The following NR3C2 variants were observed in gnomAD, a reference collection of about 807,000 sequenced individuals.
The protein encoded by NR3C2 is nuclear receptor subfamily 3 group C member 2, also known as mineralocorticoid receptor.
In NR3C2, 15 loss-of-function variants were observed where a neutral mutation model predicts 86.4. That is an observed-to-expected ratio of 0.17 (90% CI 0.12 to 0.27). The LOEUF is 0.27. Ranked by LOEUF, NR3C2 falls within the 10% of genes least tolerant of loss-of-function variation. The pLI is 1.00. For synonymous variants in NR3C2, 458 were observed against 450.5 expected (o/e 1.02, Z -0.21); for missense variants, 960 against 1,195.6 (o/e 0.80, Z 2.91).
intron 2 of NR3C2, among the ~76,000 whole-genome samples, chr4:148,294,022 G>T (rs908428541): frequency 5.3e-5 from 8 of 152,118 alleles, no homozygotes; most frequent in African/African-American, 1.7e-4. Context: ...TCCTTCCCAA[G>T]GGATTTGGCC....
chr4:148,425,097 T>C (rs1158366921), intron 2 of NR3C2, among the ~76,000 whole-genome samples: 5 of 152,194 alleles, frequency 3.3e-5, no homozygotes, highest in African/African-American at 1.2e-4. Context: ...CTGAACTCAG[T>C]AGAACTCTGT....
intron 3 of NR3C2, among the ~76,000 whole-genome samples, chr4:148,200,620 A>AACTT (rs1736672833): frequency 6.6e-6 from 1 of 152,168 alleles, no homozygotes; most frequent in Non-Finnish European, 1.5e-5. Context: ...GACTTTAGAG[A>AACTT]AGTTACTTAG....
At chr4:148,161,665 A>G (rs1320039889) in intron 4 of NR3C2, among the ~76,000 whole-genome samples, 3 of 152,162 alleles carry the variant, frequency 2.0e-5, no homozygotes, top group Admixed American at 1.3e-4. Flanking sequence ...ACCTGCATCT[A>G]TATCTATAAT....
At chr4:148,231,614 C>G (rs1327623832) in intron 3 of NR3C2, among the ~76,000 whole-genome samples, 1 of 152,168 alleles carries the variant, frequency 6.6e-6, no homozygotes, top group Non-Finnish European at 1.5e-5. Flanking sequence ...TTGATGGCTG[C>G]TGACTGATCA....
At chr4:148,368,224 G>A in intron 2 of NR3C2, 1 of 152,196 alleles carries the variant, frequency 6.6e-6, no homozygotes. Flanking sequence ...AAATCCCATA[G>A]CCCCACAAAC....
chr4:148,267,166 T>C (rs761046028), intron 2 of NR3C2, among the ~76,000 whole-genome samples: 14 of 152,244 alleles, frequency 9.2e-5, no homozygotes, highest in Admixed American at 2.0e-4. Context: ...TGCATTGTTG[T>C]AGATTACACG....
At chr4:148,263,509 C>T (rs1740232888) in intron 2 of NR3C2, among the ~76,000 whole-genome samples, 1 of 152,200 alleles carries the variant, frequency 6.6e-6, no homozygotes, top group African/African-American at 2.4e-5. Context: ...GTTCATTCTA[C>T]AGTGACTGCT....
At chr4:148,321,787 G>C (rs1743610498) in intron 2 of NR3C2, among the ~76,000 whole-genome samples, 1 of 152,096 alleles carries the variant, frequency 6.6e-6, no homozygotes, top group African/African-American at 2.4e-5. Context: ...CACATGAGAT[G>C]GGTTTCCTGA....
At chr4:148,139,541 C>T (rs1733513260) in intron 6 of NR3C2, among the ~76,000 whole-genome samples, 1 of 152,152 alleles carries the variant, frequency 6.6e-6, no homozygotes, top group African/African-American at 2.4e-5. Context: ...AAGTTCTAAA[C>T]TGCTAATTCC....
rs748313108 is a variant in NR3C2 at position 148,435,637 on chromosome 4, G to A, written c.1224C>T (p.Ser408=). 1.1e-5 allele frequency: 18 copies of A among 1,614,162 alleles called. No homozygotes were observed. Among genetic ancestry groups the A allele is most frequent in the East Asian group, 2.2e-5 (1 of 44,884 alleles). The change falls in exon 2 of 9, where the codon AGC becomes AGT. Residue 408 remains serine, a synonymous_variant. Coordinates refer to ENST00000358102, the MANE Select transcript of NR3C2 (RefSeq NM_000901.5). The part of the protein sequence containing the change: ...IKPEPDGAFS[S]SCLGGNSKIN... ...TTTTGCTATTTCCTCCTAGACATGAGCTGCTAAAAGCTCCATCTGGTTCTG... is the reference window on the plus strand; with the variant it reads ...TTTTGCTATTTCCTCCTAGACATGAACTGCTAAAAGCTCCATCTGGTTCTG...
chr4:148,189,486 C>A (rs1736096162), intron 4 of NR3C2, among the ~76,000 whole-genome samples: 1 of 152,136 alleles, frequency 6.6e-6, no homozygotes, highest in South Asian at 2.1e-4. Context: ...TCGGCGATAT[C>A]AGTCTGTAGT....
intron 3 of NR3C2, among the ~76,000 whole-genome samples, chr4:148,254,965 G>A (rs1739758426): frequency 6.6e-6 from 1 of 152,010 alleles, no homozygotes; most frequent in Non-Finnish European, 1.5e-5. Context: ...CAGCTATAAG[G>A]AGATAGCTAT....
At position 148,261,234 on chromosome 4, in the gene NR3C2, GGTAAGCGCTATGGTGCA is replaced by G. The variant is rs1328354527; in HGVS notation, c.1758-1134_1758-1118del. Among the ~76,000 whole-genome samples the G allele has an allele frequency of 2.0e-5, 3 of 151,812 alleles. No individual in the cohort carries two copies. The East Asian group carries it at 5.8e-4, about 30-fold the overall frequency. On this transcript the variant is annotated intron_variant, in intron 2 of 8. Transcript: ENST00000358102. ...TATGGTAAGCCCTATGGTGCACTATGGTAAGCGCTATGGTGCACTATGGTCAGCGCTATGGTGCACTA... is the reference window on the plus strand; with the variant it reads ...TATGGTAAGCCCTATGGTGCACTATGCTATGGTCAGCGCTATGGTGCACTA...
At chr4:148,330,314 C>CCA (rs1435001299) in intron 2 of NR3C2, among the ~76,000 whole-genome samples, 7 of 152,192 alleles carry the variant, frequency 4.6e-5, no homozygotes, top group South Asian at 4.2e-4. Flanking sequence ...CGCCTCTGGC[C>CCA]CACACACACT....
At chr4:148,301,050 C>G (rs1264544732) in intron 2 of NR3C2, among the ~76,000 whole-genome samples, 25 of 152,076 alleles carry the variant, frequency 1.6e-4, no homozygotes. Flanking sequence ...TCTTTGTCAG[C>G]TATACCTGTT....
intron 2 of NR3C2, among the ~76,000 whole-genome samples, chr4:148,355,284 C>G (rs373650771): frequency 6.6e-6 from 1 of 152,082 alleles, no homozygotes; most frequent in Admixed American, 6.5e-5. Flanking sequence ...CAGCACACAC[C>G]GTTAAGTTTA....
chr4:148,405,903 G>A (rs745454795), intron 2 of NR3C2, among the ~76,000 whole-genome samples: 10 of 152,170 alleles, frequency 6.6e-5, no homozygotes, highest in Non-Finnish European at 1.0e-4. Context: ...CAGAAGTTTG[G>A]GAGGCAGAGG....
chr4:148,240,916 C>T (rs1474555043), intron 3 of NR3C2, among the ~76,000 whole-genome samples: 1 of 152,130 alleles, frequency 6.6e-6, no homozygotes, highest in Non-Finnish European at 1.5e-5. Context: ...TTTCTCACTG[C>T]CTCCTGGATT....
chr4:148,276,071 G>A (rs778548319), intron 2 of NR3C2, among the ~76,000 whole-genome samples: 11 of 152,220 alleles, frequency 7.2e-5, no homozygotes, highest in African/African-American at 2.4e-4. Context: ...ATTCCAAAAT[G>A]TACAGAGCAC....
Sources: allele counts gnomAD v4.1 joint callset (sites outside exome capture counted in the v4.1 genomes callset), GRCh38; gene constraint gnomAD v4.1.1; transcripts MANE v1.5; gene names NCBI Gene and HGNC (gene_info 2026-07-23, HGNC 2026-07-21).